TBC1D22B: variants seen among roughly 807,000 people sequenced by gnomAD.
The protein encoded by TBC1D22B is TBC1 domain family member 22B, also known as chromosome 6 open reading frame 197.
TBC1D22B carries 32 observed loss-of-function variants against 69.1 expected under a neutral mutation model. The ratio of observed to expected loss-of-function variants is 0.46; its 90% confidence interval spans 0.35 to 0.62. The LOEUF is 0.62. Ranked by LOEUF, TBC1D22B falls within the 20% of genes least tolerant of loss-of-function variation. The pLI, the probability that TBC1D22B is intolerant of heterozygous loss-of-function variation, is 0.00. For synonymous variants in TBC1D22B, 206 were observed against 229.8 expected, an observed-to-expected ratio of 0.90 and a Z score of 0.94; for missense variants, 462 against 630.9, an observed-to-expected ratio of 0.73 and a Z score of 2.87.
Position 37,331,238 on chromosome 6 carries a change from T to G in TBC1D22B, c.*66T>G. 2.2e-4 allele frequency: 318 copies of G among 1,420,760 alleles called. No homozygotes were observed. Among genetic ancestry groups the G allele is most frequent in the Non-Finnish European group, 2.9e-4 (291 of 1,011,984 alleles). 88.0% of individuals were successfully genotyped at this position (1,420,760 alleles called of 1,614,324 possible). A position where few individuals can be genotyped will look rare whatever the true frequency, so the allele number is the denominator to read the frequency against. The stretch of plus-strand genomic sequence containing the variant: ...ATGGCAGTCTGATCACTGTGGCCAC[T>G]GTGCGAGCCGTGGACCCCGGCCAGG... On this transcript the variant is annotated 3_prime_UTR_variant, in exon 13 of 13. Coordinates refer to ENST00000373491, the MANE Select transcript of TBC1D22B (RefSeq NM_017772.4).
At position 37,279,718 on chromosome 6, in the gene TBC1D22B, C is replaced by T. The variant is rs528405595; in HGVS notation, c.421+107C>T. ...TCACTCAGGTAGATATTCAACTGGGCGGTAAATAAACTCAAGCCTGAGATG... is the reference window on the plus strand; with the variant it reads ...TCACTCAGGTAGATATTCAACTGGGTGGTAAATAAACTCAAGCCTGAGATG... On this transcript the variant is annotated intron_variant, in intron 3 of 12. Coordinates refer to ENST00000373491, the MANE Select transcript of TBC1D22B (RefSeq NM_017772.4). The T allele has an allele frequency of 1.4e-3, 1,735 of 1,212,104 alleles. 2 individuals are homozygous for T. Among genetic ancestry groups the T allele is most frequent in the Non-Finnish European group, 1.8e-3 (1,550 of 879,838 alleles). 75.1% of individuals were successfully genotyped at this position (1,212,104 alleles called of 1,614,324 possible).
At chr6:37,323,052 G>C (rs1768295302) in intron 12 of TBC1D22B, among the ~76,000 whole-genome samples, 2 of 152,098 alleles carry the variant, frequency 1.3e-5, no homozygotes, top group Admixed American at 6.5e-5. Context: ...CAAATACCTG[G>C]TCACTCTATT....
intron 1 of TBC1D22B, among the ~76,000 whole-genome samples, chr6:37,258,829 G>T (rs897519789): frequency 3.3e-5 from 5 of 151,990 alleles, no homozygotes; most frequent in African/African-American, 1.2e-4. Context: ...TATTTCAGTC[G>T]TAAATTTAAG....
chr6:37,262,532 G>A (rs1766141463), intron 1 of TBC1D22B, among the ~76,000 whole-genome samples: 1 of 152,180 alleles, frequency 6.6e-6, no homozygotes. Context: ...TAGAAAGAGA[G>A]GCCAAGTTAA....
At chr6:37,330,581 G>GGCTGCA (rs1468490150) in intron 12 of TBC1D22B, among the ~76,000 whole-genome samples, 1 of 152,162 alleles carries the variant, frequency 6.6e-6, no homozygotes, top group Admixed American at 6.5e-5. Context: ...AGGAGTTCAA[G>GGCTGCA]GCTGCAGCAA....
Position 37,282,104 on chromosome 6 carries a change from T to C in TBC1D22B, c.422-81T>C, listed in dbSNP as rs573845841. On this transcript the variant is annotated intron_variant, in intron 3 of 12. Transcript: ENST00000373491. ...CCACACCCTTGGGGAGGAAACACAA[T>C]GCTGAACGGTTAGGTTTAAGGCTTC... 8.0e-5 allele frequency: 120 copies of C among 1,502,394 alleles called. 1 individual carries two copies. In the East Asian group the frequency reaches 1.1e-3, roughly 14 times the overall value. The allele number at this position is 1,502,394 out of a possible 1,614,324, so 93.1% of individuals were successfully genotyped here.
rs773500330 is a variant in TBC1D22B at position 37,316,845 on chromosome 6, C to T, written c.1293+15C>T. ...ACACATATCAGGTAGGAGGGATTCC[C>T]CGGCCTCTCTGTGCCAGGCTGTCTC... On this transcript the variant is annotated intron_variant, in intron 11 of 12. Transcript: ENST00000373491. 67 of 1,613,858 alleles carry T rather than the reference C, an allele frequency of 4.2e-5. No homozygotes were observed. The highest frequency in any genetic ancestry group is 5.5e-5 in the Non-Finnish European group (65 of 1,180,002).
At chr6:37,292,644 T>TAATCC (rs1767223886) in intron 8 of TBC1D22B, among the ~76,000 whole-genome samples, 1 of 152,228 alleles carries the variant, frequency 6.6e-6, no homozygotes, top group South Asian at 2.1e-4. Context: ...AGGATGGTAT[T>TAATCC]AATCCATTCA....
chr6:37,291,930 T>C (rs1050771401), intron 8 of TBC1D22B, among the ~76,000 whole-genome samples: 5 of 152,202 alleles, frequency 3.3e-5, no homozygotes, highest in African/African-American at 1.2e-4. Flanking sequence ...GGTTTTCTTG[T>C]AGTCCCAGCC....
intron 8 of TBC1D22B, among the ~76,000 whole-genome samples, chr6:37,305,001 G>C (rs948011011): frequency 2.6e-5 from 4 of 152,220 alleles, no homozygotes; most frequent in Non-Finnish European, 5.9e-5. Flanking sequence ...CATTTGAGCA[G>C]AGCCCTGAAG....
intron 2 of TBC1D22B, among the ~76,000 whole-genome samples, chr6:37,276,281 T>G (rs561354421): frequency 6.6e-6 from 1 of 152,238 alleles, no homozygotes; most frequent in South Asian, 2.1e-4. Context: ...TTCATTCTTG[T>G]GGGTGGTTCT....
intron 12 of TBC1D22B, among the ~76,000 whole-genome samples, chr6:37,329,472 A>G (rs138165215): frequency 6.6e-6 from 1 of 152,242 alleles, no homozygotes; most frequent in African/African-American, 2.4e-5. Flanking sequence ...TACACACAGT[A>G]GTGTGACTAT....
intron 10 of TBC1D22B, among the ~76,000 whole-genome samples, chr6:37,315,175 A>G (rs2113783597): frequency 6.6e-6 from 1 of 152,342 alleles, no homozygotes; most frequent in South Asian, 2.1e-4. Flanking sequence ...CCTTACAAAT[A>G]CGTGATACAT....
chr6:37,262,611 C>G (rs1252915969), intron 1 of TBC1D22B, among the ~76,000 whole-genome samples: 3 of 152,198 alleles, frequency 2.0e-5, no homozygotes, highest in Non-Finnish European at 4.4e-5. Flanking sequence ...CACAGCCTGT[C>G]TGGGCAGGTA....
intron 12 of TBC1D22B, among the ~76,000 whole-genome samples, chr6:37,327,825 G>A (rs1768473196): frequency 6.6e-6 from 1 of 152,126 alleles, no homozygotes; most frequent in African/African-American, 2.4e-5. Flanking sequence ...ACCTTGGGAT[G>A]TGCACTCCTC....
chr6:37,282,099 C>G (rs1012395117), intron 3 of TBC1D22B, 86 bp from the exon 4 acceptor site: 3 of 1,482,850 alleles, frequency 2.0e-6, no homozygotes, highest in African/African-American at 1.4e-5. Context: ...GGGGAGGAAA[C>G]ACAATGCTGA....
intron 1 of TBC1D22B, among the ~76,000 whole-genome samples, chr6:37,264,612 TA>T (rs1766214553): frequency 6.6e-6 from 1 of 152,188 alleles, no homozygotes; most frequent in Non-Finnish European, 1.5e-5. Context: ...TTGTGTCTTA[TA>T]TTATGATCTA....
At position 37,313,946 on chromosome 6, in the gene TBC1D22B, A is replaced by AGGC. The variant is rs1768002595; in HGVS notation, c.1165+58_1165+60dup. On this transcript the variant is annotated intron_variant, in intron 10 of 12. Coordinates refer to ENST00000373491, the MANE Select transcript of TBC1D22B (RefSeq NM_017772.4). Reference sequence around the variant, plus strand: ...CAATAGCAGAGTTGATTCTGTTATGAGGCGGTTGTGCTTGTGGGTCCTCTC... The same window carrying AGGC: ...CAATAGCAGAGTTGATTCTGTTATGAGGCGGCGGTTGTGCTTGTGGGTCCTCTC... 3 of 1,544,732 alleles carry AGGC rather than the reference A, an allele frequency of 1.9e-6. No homozygotes were observed. In the African/African-American group the frequency reaches 4.1e-5, roughly 21 times the overall value.
At chr6:37,310,186 A>G (rs1562062530) in intron 8 of TBC1D22B, among the ~76,000 whole-genome samples, 7 of 147,760 alleles carry the variant, frequency 4.7e-5, no homozygotes. Context: ...ATATGTATGT[A>G]TACTACCATA....
Sources: gnomAD v4.1 joint callset for allele counts (sites outside exome capture counted in the v4.1 genomes callset) on GRCh38, gnomAD v4.1.1 for gene constraint, MANE v1.5 for transcripts, NCBI Gene and HGNC (gene_info 2026-07-23, HGNC 2026-07-21) for gene names.